TTC17: variants seen among roughly 807,000 people sequenced by gnomAD.
The protein encoded by TTC17 is tetratricopeptide repeat protein 17.
Under a neutral mutation model 143.8 loss-of-function variants are expected in TTC17, and 58 were observed. The observed-to-expected ratio is 0.40, with a 90% CI of 0.33 to 0.50. The LOEUF (loss-of-function observed/expected upper bound fraction) is 0.50. Ranked by LOEUF, TTC17 falls within the 20% of genes least tolerant of loss-of-function variation. TTC17 has a pLI of 0.49. For synonymous variants in TTC17, 501 were observed against 497.8 expected (o/e 1.01, Z -0.09); for missense variants, 1,273 against 1,392.5 (o/e 0.91, Z 1.37).
chr11:43,431,643 T>C (rs1264540030), intron 16 of TTC17, among the ~76,000 whole-genome samples: 1 of 152,228 alleles, frequency 6.6e-6, no homozygotes, highest in Non-Finnish European at 1.5e-5. Context: ...CATCTTACCA[T>C]GTGCTACGCA....
intron 2 of TTC17, among the ~76,000 whole-genome samples, chr11:43,383,999 G>T (rs1857074100): frequency 1.3e-5 from 2 of 152,024 alleles, no homozygotes; most frequent in Non-Finnish European, 2.9e-5. Flanking sequence ...TTTGAAATTA[G>T]CTGGGCATGG....
intron 7 of TTC17, 61 bp from the exon 8 acceptor site, chr11:43,397,913 T>G: frequency 1.3e-6 from 1 of 792,300 alleles, no homozygotes; most frequent in Non-Finnish European, 1.7e-6. Context: ...TGTGTGTGTG[T>G]GTGTGTGTGT....
intron 16 of TTC17, among the ~76,000 whole-genome samples, chr11:43,434,872 A>G (rs1235097296): frequency 1.3e-5 from 2 of 152,230 alleles, no homozygotes; most frequent in African/African-American, 2.4e-5. Flanking sequence ...CTCTCTAAGC[A>G]TGTGGTCCCC....
At chr11:43,370,069 G>T in intron 1 of TTC17, 1 of 455,624 alleles carries the variant, frequency 2.2e-6, no homozygotes, top group South Asian at 1.6e-5. Flanking sequence ...TTACACATTT[G>T]TTTTGACAGT....
At chr11:43,490,889 A>G (rs955630754) in intron 22 of TTC17, 6 of 147,810 alleles carry the variant, frequency 4.1e-5, no homozygotes, top group African/African-American at 1.5e-4. Flanking sequence ...AAAACCGGCT[A>G]ACCCTGTGTG....
intron 21 of TTC17, among the ~76,000 whole-genome samples, chr11:43,485,035 G>A (rs1948356498): frequency 6.6e-6 from 1 of 151,784 alleles, no homozygotes; most frequent in Non-Finnish European, 1.5e-5. Context: ...CAAGCTCAGG[G>A]CTCCCACTGA....
chr11:43,401,633 CTT>C (rs765606654), intron 10 of TTC17, 75 bp downstream of exon 10: 1 of 1,035,102 alleles, frequency 9.7e-7, no homozygotes, highest in African/African-American at 1.6e-5. Flanking sequence ...TGTTTTTCCT[CTT>C]GATTCTTTGT....
intron 21 of TTC17, among the ~76,000 whole-genome samples, chr11:43,487,757 C>T (rs1948405666): frequency 6.6e-6 from 1 of 152,186 alleles, no homozygotes. Flanking sequence ...TATTTTATCA[C>T]TGGTCTGGGG....
intron 21 of TTC17, among the ~76,000 whole-genome samples, chr11:43,470,290 T>C (rs150546878): frequency 6.6e-6 from 1 of 152,174 alleles, no homozygotes; most frequent in East Asian, 1.9e-4. Context: ...CAGGGGCCAT[T>C]CTCTGCCCAC....
chr11:43,383,133 G>A (rs890917883), intron 2 of TTC17, among the ~76,000 whole-genome samples: 2 of 152,084 alleles, frequency 1.3e-5, no homozygotes, highest in Non-Finnish European at 2.9e-5. Flanking sequence ...CTGGGCTCAA[G>A]CAGTCCTCCC....
intron 1 of TTC17, among the ~76,000 whole-genome samples, chr11:43,359,912 G>C (rs1035524764): frequency 3.3e-5 from 5 of 152,192 alleles, no homozygotes; most frequent in Admixed American, 2.0e-4. Flanking sequence ...ATGATTGCCT[G>C]CGTTTTGTAA....
At chr11:43,476,272 A>T (rs1281392311) in intron 21 of TTC17, among the ~76,000 whole-genome samples, 1 of 152,236 alleles carries the variant, frequency 6.6e-6, no homozygotes, top group Non-Finnish European at 1.5e-5. Context: ...AACAGGTTGT[A>T]TCAAAAGAAT....
intron 21 of TTC17, among the ~76,000 whole-genome samples, chr11:43,456,586 G>A (rs1422524413): frequency 6.6e-6 from 1 of 152,132 alleles, no homozygotes; most frequent in Non-Finnish European, 1.5e-5. Flanking sequence ...CACAAAACTA[G>A]GCAAGCAACA....
At chr11:43,480,325 C>A (rs781022052) in intron 21 of TTC17, among the ~76,000 whole-genome samples, 1 of 152,122 alleles carries the variant, frequency 6.6e-6, no homozygotes, top group South Asian at 2.1e-4. Flanking sequence ...GGACAGATCA[C>A]CTACAAGGAA....
At chr11:43,388,732 G>A (rs968365203) in intron 2 of TTC17, among the ~76,000 whole-genome samples, 1 of 151,582 alleles carries the variant, frequency 6.6e-6, no homozygotes, top group South Asian at 2.1e-4. Context: ...CCAGTACTCT[G>A]TGAGGCCAAG....
intron 22 of TTC17, 70 bp from the exon 23 acceptor site, chr11:43,491,950 G>T (rs1194350537): frequency 3.2e-6 from 5 of 1,581,640 alleles, no homozygotes; most frequent in Non-Finnish European, 4.3e-6. Context: ...TATTCTTTAT[G>T]ATCACCAAAA....
chr11:43,414,287 C>T (rs1424685883), intron 15 of TTC17, among the ~76,000 whole-genome samples: 2 of 152,068 alleles, frequency 1.3e-5, no homozygotes, highest in African/African-American at 4.8e-5. Context: ...GGTTGGATTG[C>T]CCAAGGGAAC....
At chr11:43,478,817 G>A (rs1948233129) in intron 21 of TTC17, among the ~76,000 whole-genome samples, 1 of 152,140 alleles carries the variant, frequency 6.6e-6, no homozygotes, top group African/African-American at 2.4e-5. Flanking sequence ...TCATAAAAAT[G>A]TAGTCTCGCT....
intron 16 of TTC17, among the ~76,000 whole-genome samples, chr11:43,432,010 C>T (rs1947171151): frequency 6.6e-6 from 1 of 152,122 alleles, no homozygotes; most frequent in Non-Finnish European, 1.5e-5. Context: ...CCTAAGTTAC[C>T]CAACCAGGAA....
Sources: allele counts gnomAD v4.1 joint callset (sites outside exome capture counted in the v4.1 genomes callset), GRCh38; gene constraint gnomAD v4.1.1; transcripts MANE v1.5; gene names NCBI Gene and HGNC (gene_info 2026-07-23, HGNC 2026-07-21).